The following CTDP1 variants were observed in gnomAD, a reference collection of about 807,000 sequenced individuals.
CTDP1 encodes CTD phosphatase 1.
CTDP1 carries 47 observed loss-of-function variants against 91.8 expected under a neutral mutation model. The ratio of observed to expected loss-of-function variants is 0.51; its 90% CI spans 0.41 to 0.65. The LOEUF (loss-of-function observed/expected upper bound fraction) is 0.65. Among genes scored for constraint, CTDP1 ranks in the 30% least tolerant of loss-of-function variants. The pLI is 0.00. For synonymous variants in CTDP1, 656 were observed against 598.5 expected (o/e 1.10, Z -1.40); for missense variants, 1,272 against 1,373.7 (o/e 0.93, Z 1.17).
chr18:79,747,704 C>T (rs1052749497), intron 12 of CTDP1, among the ~76,000 whole-genome samples: 12 of 152,326 alleles, frequency 7.9e-5, no homozygotes, highest in Middle Eastern at 3.4e-3. Flanking sequence ...TGCAGGTGTC[C>T]GGTGCGTGCA....
chr18:79,695,306 C>T lies in CTDP1; in HGVS notation c.396C>T (p.Thr132=). Residue 132 remains threonine, a splice_region_variant and synonymous_variant, in exon 2 of 13, where the codon ACC becomes ACT. Transcript: ENST00000613122. ...GTGCTGAATGTGGCCAAGACCTCAC[C>T]CAGTAAGTATCCGGAAGAGTGAGAT... ...GLCAECGQDL[T]QLQSKNGKQQ... 6.2e-7 allele frequency: 1 copy of T among 1,613,946 alleles called. No homozygotes were observed. The highest frequency in any genetic ancestry group is 1.3e-5 in the African/African-American group (1 of 75,000).
chr18:79,696,150 G>A, intron 3 of CTDP1, 80 bp downstream of exon 3: 1 of 1,243,646 alleles, frequency 8.0e-7, no homozygotes, highest in East Asian at 2.4e-5. Context: ...GGTGGCTGCA[G>A]AAGCACGGAC....
chr18:79,726,045 T>G (rs942507120), intron 10 of CTDP1, among the ~76,000 whole-genome samples: 4 of 152,254 alleles, frequency 2.6e-5, no homozygotes, highest in African/African-American at 7.2e-5. Flanking sequence ...GTTGGAAGGT[T>G]TATGTCTTTT....
chr18:79,723,175 C>T (rs1168004018), intron 10 of CTDP1, among the ~76,000 whole-genome samples: 1 of 152,036 alleles, frequency 6.6e-6, no homozygotes. Context: ...CCCCATGGCA[C>T]TCCTGTCTCA....
chr18:79,690,395 C>G (rs748516183), intron 1 of CTDP1, among the ~76,000 whole-genome samples: 5 of 152,162 alleles, frequency 3.3e-5, no homozygotes, highest in Non-Finnish European at 7.3e-5. Flanking sequence ...TAGGACAAAC[C>G]AGAAAACATT....
chr18:79,733,847 G>A (rs748607549), intron 11 of CTDP1, among the ~76,000 whole-genome samples: 13 of 152,158 alleles, frequency 8.5e-5, no homozygotes, highest in Non-Finnish European at 1.6e-4. Flanking sequence ...TGCATTGACA[G>A]GATACCGTAG....
upstream of CTDP1, chr18:79,679,369 G>A (rs2085303683): frequency 6.6e-6 from 3 of 453,300 alleles, no homozygotes; most frequent in African/African-American, 4.0e-5. Flanking sequence ...GCCGGGACCC[G>A]TAGTCCCGCG....
chr18:79,735,179 G>A (rs1477198092), intron 11 of CTDP1, among the ~76,000 whole-genome samples: 3 of 152,110 alleles, frequency 2.0e-5, no homozygotes, highest in Admixed American at 1.3e-4. Context: ...CGCCTGTCTC[G>A]GGAGTTGTGC....
chr18:79,753,015 C>T (rs1401020428), intron 12 of CTDP1, among the ~76,000 whole-genome samples: 2 of 93,130 alleles, frequency 2.1e-5, no homozygotes, highest in African/African-American at 1.1e-4. Flanking sequence ...TATGCAGAGG[C>T]TCCTAAGGAA....
intron 11 of CTDP1, among the ~76,000 whole-genome samples, chr18:79,729,412 C>T (rs1240202439): frequency 1.3e-5 from 2 of 152,208 alleles, no homozygotes; most frequent in Non-Finnish European, 2.9e-5. Flanking sequence ...TCTGGAGGCA[C>T]TCATGGTCAT....
chr18:79,702,860 T>C (rs375708324), intron 4 of CTDP1: 6 of 152,454 alleles, frequency 3.9e-5, no homozygotes, highest in African/African-American at 1.4e-4. Flanking sequence ...AGTCTAGTTA[T>C]AATGTGGCTG....
At chr18:79,690,406 TA>T (rs1463003924) in intron 1 of CTDP1, among the ~76,000 whole-genome samples, 1 of 152,212 alleles carries the variant, frequency 6.6e-6, no homozygotes, top group African/African-American at 2.4e-5. Context: ...AGAAAACATT[TA>T]TTGGTGACTG....
intron 6 of CTDP1, among the ~76,000 whole-genome samples, chr18:79,712,278 T>C (rs968033080): frequency 1.1e-4 from 16 of 151,882 alleles, no homozygotes; most frequent in African/African-American, 3.9e-4. Flanking sequence ...CAGCACTGGG[T>C]CTGGTTTTTG....
At chr18:79,700,035 A>G (rs761087280) in intron 4 of CTDP1, among the ~76,000 whole-genome samples, 12 of 152,078 alleles carry the variant, frequency 7.9e-5, no homozygotes, top group Non-Finnish European at 1.5e-4. Flanking sequence ...CACGAACCAC[A>G]CCCACATAAG....
At chr18:79,744,253 C>G (rs957342289) in intron 12 of CTDP1, among the ~76,000 whole-genome samples, 1 of 152,240 alleles carries the variant, frequency 6.6e-6, no homozygotes, top group African/African-American at 2.4e-5. Flanking sequence ...CCGACCACCT[C>G]AGGCACATGT....
At chr18:79,678,580 C>T (rs1177147522), upstream of CTDP1, 1 of 152,098 alleles carries the variant, frequency 6.6e-6, no homozygotes, top group Non-Finnish European at 1.5e-5. Context: ...TGTCTCCGCT[C>T]GTTTTCAGGC....
chr18:79,749,993 C>T (rs1163508140), intron 12 of CTDP1: 5 of 152,232 alleles, frequency 3.3e-5, no homozygotes, highest in Non-Finnish European at 5.9e-5. Context: ...AAAGGAAACT[C>T]GTGTATGATA....
chr18:79,690,815 G>T (rs1225563671), intron 1 of CTDP1, among the ~76,000 whole-genome samples: 2 of 152,174 alleles, frequency 1.3e-5, no homozygotes, highest in Non-Finnish European at 2.9e-5. Context: ...GGGGTGGGGG[G>T]TGGAGCAGAG....
At chr18:79,714,443 T>C in intron 7 of CTDP1, 48 bp from the exon 8 acceptor site, 4 of 1,592,554 alleles carry the variant, frequency 2.5e-6, no homozygotes, top group Admixed American at 1.7e-5. Flanking sequence ...CGTTATTTAA[T>C]GTTTAATGCT....
Sources: allele counts gnomAD v4.1 joint callset (sites outside exome capture counted in the v4.1 genomes callset), GRCh38; gene constraint gnomAD v4.1.1; transcripts MANE v1.5; gene names NCBI Gene and HGNC (gene_info 2026-07-23, HGNC 2026-07-21).